PDE4D: variants seen among roughly 807,000 people sequenced by gnomAD.
PDE4D encodes the protein 3',5'-cyclic-AMP phosphodiesterase 4D.
PDE4D carries 24 observed loss-of-function variants against 87.4 expected under a neutral mutation model. The observed-to-expected ratio is 0.27, with a 90% CI of 0.20 to 0.39. The LOEUF (loss-of-function observed/expected upper bound fraction) is 0.39, where lower values mean the gene tolerates loss of function less well. Among genes scored for constraint, PDE4D ranks in the 10% least tolerant of loss-of-function variants. PDE4D has a pLI of 1.00. For missense variants in PDE4D, 714 were observed against 1,041.0 expected (o/e 0.69, Z 4.32); for synonymous variants, 384 against 383.2 (o/e 1.00, Z -0.02).
In PDE4D at chr5:60,228,286, T is replaced by C. The variant is rs1226700203; in HGVS notation, c.-89-42599A>G. ...CCTCATAAACTGTCACCTCTGCAAA[T>C]CAAGGTCATGTCTGCTTGATATACA... On this transcript the variant is annotated intron_variant, in intron 1 of 16. Transcript: ENST00000502484. Among the ~76,000 whole-genome samples the C allele has an allele frequency of 2.0e-5, 3 of 152,110 alleles. No homozygotes were observed. The East Asian group carries it at 5.8e-4, about 29-fold the overall frequency.
chr5:60,316,547 C>T (rs1755620725), intron 1 of PDE4D, among the ~76,000 whole-genome samples: 1 of 152,180 alleles, frequency 6.6e-6, no homozygotes, highest in Non-Finnish European at 1.5e-5. Context: ...TGAGAGAGGG[C>T]ATCCCTCTGT....
chr5:59,547,210 G>A (rs1487819628), intron 1 of PDE4D, among the ~76,000 whole-genome samples: 1 of 151,938 alleles, frequency 6.6e-6, no homozygotes, highest in African/African-American at 2.4e-5. Flanking sequence ...TAAGTATCTT[G>A]GCATAGAAAA....
At chr5:59,659,265 C>T (rs545169651) in intron 1 of PDE4D, among the ~76,000 whole-genome samples, 98 of 152,298 alleles carry the variant, frequency 6.4e-4, no homozygotes, top group Middle Eastern at 3.4e-3. Flanking sequence ...TAAATAGTGT[C>T]TTAATTTTCT....
At chr5:59,522,503 A>G (rs1236528833) in intron 1 of PDE4D, among the ~76,000 whole-genome samples, 3 of 152,194 alleles carry the variant, frequency 2.0e-5, no homozygotes, top group African/African-American at 7.2e-5. Context: ...TGTGCCTCAG[A>G]TGTTTAAGCT....
At chr5:59,531,821 C>T (rs1009422431) in intron 1 of PDE4D, among the ~76,000 whole-genome samples, 1 of 152,156 alleles carries the variant, frequency 6.6e-6, no homozygotes, top group African/African-American at 2.4e-5. Flanking sequence ...AAGGTCTGTG[C>T]CCCTAATCAA....
intron 1 of PDE4D, among the ~76,000 whole-genome samples, chr5:59,249,881 G>C (rs1027300344): frequency 7.9e-5 from 12 of 151,966 alleles, no homozygotes; most frequent in African/African-American, 2.9e-4. Context: ...GTATGTTTAA[G>C]AGTCTTGTTC....
intron 1 of PDE4D, among the ~76,000 whole-genome samples, chr5:60,232,534 G>A (rs558096258): frequency 2.5e-3 from 376 of 152,030 alleles, no homozygotes; most frequent in Non-Finnish European, 4.2e-3. Flanking sequence ...CAAGAAAGAT[G>A]TGACAGCGCC....
chr5:59,111,764 A>G (rs1284057498), intron 5 of PDE4D, among the ~76,000 whole-genome samples: 1 of 152,226 alleles, frequency 6.6e-6, no homozygotes, highest in Non-Finnish European at 1.5e-5. Flanking sequence ...TTTGGCAAAG[A>G]AAACAAGGCT....
chr5:59,247,926 C>T (rs1358513122), intron 1 of PDE4D, among the ~76,000 whole-genome samples: 1 of 150,620 alleles, frequency 6.6e-6, no homozygotes, highest in Non-Finnish European at 1.5e-5. Flanking sequence ...CCAACATAGG[C>T]TTAAGATACT....
intron 1 of PDE4D, among the ~76,000 whole-genome samples, chr5:59,693,074 AT>A (rs1485299374): frequency 6.6e-6 from 1 of 152,112 alleles, no homozygotes; most frequent in Non-Finnish European, 1.5e-5. Context: ...ATATTTGCTA[AT>A]TTAAAAATTA....
intron 1 of PDE4D, among the ~76,000 whole-genome samples, chr5:59,583,132 A>G (rs1288225806): frequency 2.0e-5 from 3 of 152,196 alleles, no homozygotes; most frequent in Non-Finnish European, 2.9e-5. Flanking sequence ...CATAGCCTTG[A>G]TGTTTCTGGC....
At chr5:60,040,520 A>G in intron 2 of PDE4D, among the ~76,000 whole-genome samples, 1 of 152,180 alleles carries the variant, frequency 6.6e-6, no homozygotes, top group East Asian at 1.9e-4. Context: ...AAATGAATTA[A>G]TTAGCTTTCA....
chr5:59,023,320 G>A (rs1077183), intron 6 of PDE4D, among the ~76,000 whole-genome samples: 1 of 152,028 alleles, frequency 6.6e-6, no homozygotes, highest in African/African-American at 2.4e-5. Context: ...TCTTATAAAA[G>A]TTTAACTGAG....
At chr5:60,374,825 C>A (rs1761307573) in intron 1 of PDE4D, among the ~76,000 whole-genome samples, 1 of 152,110 alleles carries the variant, frequency 6.6e-6, no homozygotes, top group South Asian at 2.1e-4. Context: ...AGTAAGAAAT[C>A]TTTCATGTTA....
intron 1 of PDE4D, among the ~76,000 whole-genome samples, chr5:59,395,210 C>G (rs6862564): frequency 0.78 from 118,161 of 151,628 alleles, 46,577 homozygotes; most frequent in African/African-American, 0.88. Context: ...CGGGAAGCTC[C>G]AACTGGGTGG....
At chr5:60,387,939 T>A (rs527884172) in intron 1 of PDE4D, among the ~76,000 whole-genome samples, 1 of 152,284 alleles carries the variant, frequency 6.6e-6, no homozygotes, top group Non-Finnish European at 1.5e-5. Flanking sequence ...CCAACCAACT[T>A]CAAGTTGGGG....
At chr5:60,013,400 C>T (rs1273641025) in intron 2 of PDE4D, among the ~76,000 whole-genome samples, 1 of 152,198 alleles carries the variant, frequency 6.6e-6, no homozygotes, top group Non-Finnish European at 1.5e-5. Flanking sequence ...CAAAACCTAA[C>T]TGCTGGTCTG....
chr5:59,976,380 C>T (rs1761334327), intron 3 of PDE4D, among the ~76,000 whole-genome samples: 1 of 152,046 alleles, frequency 6.6e-6, no homozygotes, highest in Non-Finnish European at 1.5e-5. Context: ...GGGGTCAGAG[C>T]CCTCATAAAT....
intron 1 of PDE4D, among the ~76,000 whole-genome samples, chr5:59,655,532 AC>A (rs1204486363): frequency 6.6e-6 from 1 of 152,076 alleles, no homozygotes; most frequent in Non-Finnish European, 1.5e-5. Context: ...AGTAACTCCA[AC>A]CTGAACATAT....
Sources: allele counts gnomAD v4.1 joint callset (sites outside exome capture counted in the v4.1 genomes callset), GRCh38; gene constraint gnomAD v4.1.1; transcripts MANE v1.5; gene names NCBI Gene and HGNC (gene_info 2026-07-23, HGNC 2026-07-21).